Variants in ATRN observed in about 807,000 individuals in gnomAD.
ATRN encodes the protein attractin.
Under a neutral mutation model 178.7 loss-of-function variants are expected in ATRN, and 54 were observed. The ratio of observed to expected loss-of-function variants is 0.30; its 90% CI spans 0.24 to 0.38. The LOEUF is 0.38. ATRN is among the 10% of genes least tolerant of loss of function. The pLI is 1.00. For missense variants in ATRN, 1,443 were observed against 1,815.1 expected (o/e 0.79, Z 3.73); for synonymous variants, 636 against 663.0 (o/e 0.96, Z 0.63).
At chr20:3,506,073 C>CAT (rs932357673) in intron 1 of ATRN, among the ~76,000 whole-genome samples, 3 of 152,126 alleles carry the variant, frequency 2.0e-5, no homozygotes, top group Non-Finnish European at 2.9e-5. Context: ...TACACATACA[C>CAT]ATACACATAC....
Position 3,575,829 on chromosome 20 carries a change from C to G in ATRN, c.2095C>G (p.Leu699Val), listed in dbSNP as rs1743754227. The change falls in exon 13 of 29, where the codon CTT (leucine) becomes GTT (valine). Residue 699 changes from leucine to valine, a missense_variant and splice_region_variant. By Grantham distance (32) the Leu-to-Val change is conservative (BLOSUM62 1). This residue lies in a region of ATRN where 862 missense variants were observed against 972.1 expected (regional missense o/e 0.89). Coordinates refer to ENST00000262919, the MANE Select transcript of ATRN (RefSeq NM_139321.3). ...ATGAGATTTTGTTTTCTTTGCAGCTCTTGACCATGACAGATGTGACCAGCA... is the reference window on the plus strand; with the variant it reads ...ATGAGATTTTGTTTTCTTTGCAGCTGTTGACCATGACAGATGTGACCAGCA... ...LKSECFSKRT[L>V]DHDRCDQHTD... is the part of the protein sequence containing the mutation. 6.2e-7 allele frequency: 1 copy of G among 1,607,614 alleles called. No individual in the cohort carries two copies. The highest frequency in any genetic ancestry group is 8.5e-7 in the Non-Finnish European group (1 of 1,176,966).
Position 3,577,013 on chromosome 20 carries a change from T to C in ATRN, c.2353+16T>C. ...GCCCTGCCCGGTAGGCCTTGCAGGGTCATCTTGGTGTGTGTGGGTCCATTA... is the reference window on the plus strand; with the variant it reads ...GCCCTGCCCGGTAGGCCTTGCAGGGCCATCTTGGTGTGTGTGGGTCCATTA... On this transcript the variant is annotated intron_variant, in intron 14 of 28. Coordinates refer to ENST00000262919, the MANE Select transcript of ATRN (RefSeq NM_139321.3). 1 of 1,613,116 alleles carries C rather than the reference T, an allele frequency of 6.2e-7. No individual in the cohort carries two copies. Among genetic ancestry groups the C allele is most frequent in the South Asian group, 1.1e-5 (1 of 91,012 alleles).
intron 24 of ATRN, among the ~76,000 whole-genome samples, chr20:3,605,715 A>C (rs1445677751): frequency 6.6e-6 from 1 of 152,150 alleles, no homozygotes; most frequent in Non-Finnish European, 1.5e-5. Flanking sequence ...ACATGGACAC[A>C]TGGTGGGGAA....
Position 3,471,258 on chromosome 20 carries a change from C to T in ATRN, c.151C>T (p.Arg51Trp), listed in dbSNP as rs1212908371. Residue 51 changes from arginine (R) to tryptophan (W), a missense_variant, in exon 1 of 29, where the codon CGG (arginine) becomes TGG (tryptophan). Coordinates refer to ENST00000262919, the MANE Select transcript of ATRN (RefSeq NM_139321.3). ...PGLGAGLRLP[R>W]LLSPPLRPRL... ...GCTGGGGGCCGGGCTGCGCCTCCCG[C>T]GGCTGCTGTCTCCACCGCTGCGGCC... 8 of 1,446,364 alleles carry T rather than the reference C, an allele frequency of 5.5e-6. 1 individual carries two copies. In the South Asian group the frequency reaches 8.4e-5, roughly 15 times the overall value. 89.6% of individuals were successfully genotyped at this position (1,446,364 alleles called of 1,614,324 possible).
chr20:3,506,401 A>C (rs1470941354), intron 1 of ATRN, among the ~76,000 whole-genome samples: 1 of 152,150 alleles, frequency 6.6e-6, no homozygotes, highest in East Asian at 1.9e-4. Flanking sequence ...AGGCAGGTGG[A>C]TCACCTGAGG....
Position 3,647,009 on chromosome 20 carries a change from G to C in ATRN, c.*162G>C. ...TGCATGATCACAAGCTTTCTTTGAC[G>C]GTTTCTCCCATCCGTGTTCCAGCAT... On this transcript the variant is annotated 3_prime_UTR_variant, in exon 29 of 29. Coordinates refer to ENST00000262919, the MANE Select transcript of ATRN (RefSeq NM_139321.3). 1.2e-5 allele frequency: 11 copies of C among 937,314 alleles called. No individual in the cohort carries two copies. Among genetic ancestry groups the C allele is most frequent in the Non-Finnish European group, 1.7e-5 (11 of 664,748 alleles). 58.1% of individuals were successfully genotyped at this position (937,314 alleles called of 1,614,324 possible). A position where few individuals can be genotyped will look rare whatever the true frequency, so the allele number is the denominator to read the frequency against.
rs1035372601 is a variant in ATRN, at chr20:3,647,418, C to A, written c.*571C>A. ...AATGGTCCATCTCTTTTGATCATAT[C>A]AAGCTAGGATAGAAGGGGGGCTATT... On this transcript the variant is annotated 3_prime_UTR_variant, in exon 29 of 29. Transcript: ENST00000262919. The A allele has an allele frequency of 2.6e-5, 4 of 152,716 alleles. No individual in the cohort carries two copies. The highest frequency in any genetic ancestry group is 9.7e-5 in the African/African-American group (4 of 41,430). The allele number at this position is 152,716 out of a possible 1,614,324, so 9.5% of individuals were successfully genotyped here.
In ATRN at chr20:3,632,839, A is replaced by C. The variant is rs912639174; in HGVS notation, c.3864-1472A>C. ...GCCTAGAACAGGACCTGACCCAATT[A>C]AAGTATTGATTAAAAAGACAATGTA... On this transcript the variant is annotated intron_variant, in intron 25 of 28. Transcript: ENST00000262919. This position sits in a 1 kb window ranked among gnomAD's most constrained non-coding sequence, Gnocchi z 4.2. 1.3e-5 allele frequency among the ~76,000 whole-genome samples: 2 copies of C among 152,228 alleles called. No individual in the cohort carries two copies. Among genetic ancestry groups the C allele is most frequent in the African/African-American group, 4.8e-5 (2 of 41,466 alleles).
At chr20:3,491,250 T>G (rs1328916807) in intron 1 of ATRN, among the ~76,000 whole-genome samples, 1 of 152,184 alleles carries the variant, frequency 6.6e-6, no homozygotes, top group East Asian at 1.9e-4. Flanking sequence ...CAAATGAAAT[T>G]GTTCTCTTGT....
intron 24 of ATRN, among the ~76,000 whole-genome samples, chr20:3,616,804 G>T (rs1343728973): frequency 6.6e-6 from 1 of 152,224 alleles, no homozygotes; most frequent in Non-Finnish European, 1.5e-5. Flanking sequence ...GGAGTCCAGG[G>T]AGTCCAGGTG....
Position 3,563,215 on chromosome 20 carries a change from T to A in ATRN, c.1638T>A (p.Ile546=). The A allele has an allele frequency of 6.2e-7, 1 of 1,611,502 alleles. No homozygotes were observed. Among genetic ancestry groups the A allele is most frequent in the South Asian group, 1.1e-5 (1 of 90,502 alleles). The part of the protein sequence containing the change: ...RYDVDTQMWT[I]LKDSRFFRYL... ...TTCTAAATAAACTCAAAAGGACCATTCTTAAGGACAGCCGATTTTTCCGTT... is the reference window on the plus strand; with the variant it reads ...TTCTAAATAAACTCAAAAGGACCATACTTAAGGACAGCCGATTTTTCCGTT... The change falls in exon 10 of 29, where the codon ATT becomes ATA. Residue 546 remains isoleucine (I), a synonymous_variant. Coordinates refer to ENST00000262919, the MANE Select transcript of ATRN (RefSeq NM_139321.3).
At chr20:3,626,517 T>A (rs190545621) in intron 25 of ATRN, among the ~76,000 whole-genome samples, 3 of 152,322 alleles carry the variant, frequency 2.0e-5, no homozygotes. Context: ...ATATTATCTC[T>A]TGTTCACCCA....
intron 1 of ATRN, among the ~76,000 whole-genome samples, chr20:3,506,089 C>T (rs985733689): frequency 6.6e-6 from 1 of 152,082 alleles, no homozygotes; most frequent in Non-Finnish European, 1.5e-5. Flanking sequence ...CATACACACA[C>T]ACACAAATGA....
intron 24 of ATRN, among the ~76,000 whole-genome samples, chr20:3,622,630 G>A (rs1165142977): frequency 6.6e-6 from 1 of 152,236 alleles, no homozygotes; most frequent in Non-Finnish European, 1.5e-5. Context: ...AGTGGGCGGG[G>A]TATTCAGCAG....
At chr20:3,597,071 T>TATAA (rs1555822792) in intron 21 of ATRN, among the ~76,000 whole-genome samples, 3 of 134,032 alleles carry the variant, frequency 2.2e-5, no homozygotes, top group East Asian at 2.3e-4. Flanking sequence ...TATATATATA[T>TATAA]ATAAAACTTC....
intron 1 of ATRN, among the ~76,000 whole-genome samples, chr20:3,527,398 G>A (rs1039666552): frequency 5.3e-5 from 8 of 152,176 alleles, no homozygotes; most frequent in African/African-American, 7.2e-5. Context: ...CAGTTAGAAC[G>A]GTGATCATTA....
intron 1 of ATRN, among the ~76,000 whole-genome samples, chr20:3,509,241 T>C (rs574651314): frequency 1.8e-4 from 27 of 149,102 alleles, no homozygotes; most frequent in African/African-American, 6.2e-4. Flanking sequence ...TACAAAACTG[T>C]ACTTAACTGT....
At chr20:3,472,725 C>A (rs187132167) in intron 1 of ATRN, among the ~76,000 whole-genome samples, 189 of 152,202 alleles carry the variant, frequency 1.2e-3, no homozygotes, top group Middle Eastern at 0.01. Context: ...GAGGTTGTGG[C>A]TAGCTGGAGG....
chr20:3,586,484 C>A (rs994148833), intron 18 of ATRN, among the ~76,000 whole-genome samples: 2 of 151,358 alleles, frequency 1.3e-5, no homozygotes, highest in African/African-American at 4.9e-5. Context: ...ACATGGATTA[C>A]CCTAAAAAAA....
Sources: gnomAD v4.1 joint callset for allele counts (sites outside exome capture counted in the v4.1 genomes callset) on GRCh38, gnomAD v4.1.1 for gene constraint, gnomAD v4.1.1 regional missense constraint, Gnocchi (gnomAD v3.1) non-coding constraint, MANE v1.5 for transcripts, NCBI Gene and HGNC (gene_info 2026-07-23, HGNC 2026-07-21) for gene names.